PRUNE2: variants seen among roughly 807,000 people sequenced by gnomAD.
The protein encoded by PRUNE2 is prune homolog 2 with BCH domain.
PRUNE2 carries 164 observed loss-of-function variants against 252.0 expected under a neutral mutation model. The observed-to-expected ratio is 0.65, with a 90% CI of 0.57 to 0.74. The LOEUF (loss-of-function observed/expected upper bound fraction) is 0.74, where lower values mean the gene tolerates loss of function less well. Ranked by LOEUF, PRUNE2 falls within the 30% of genes least tolerant of loss-of-function variation. The pLI is 0.00. For missense variants in PRUNE2, 3,495 were observed against 3,711.0 expected, an observed-to-expected ratio of 0.94 and a Z score of 1.51; for synonymous variants, 1,292 against 1,350.2, an observed-to-expected ratio of 0.96 and a Z score of 0.94.
chr9:76,903,352 A>G (rs971691141), intron 1 of PRUNE2, among the ~76,000 whole-genome samples: 5 of 152,122 alleles, frequency 3.3e-5, no homozygotes, highest in Non-Finnish European at 7.3e-5. Flanking sequence ...CCCACAGAAT[A>G]ACAAAGCAAT....
chr9:76,752,856 G>C (rs1055567218), intron 6 of PRUNE2, among the ~76,000 whole-genome samples: 2 of 152,160 alleles, frequency 1.3e-5, no homozygotes, highest in African/African-American at 4.8e-5. Flanking sequence ...TTCTACCCTT[G>C]AATAACCCAA....
chr9:76,713,718 A>C lies in PRUNE2; in HGVS notation c.760T>G (p.Cys254Gly). ...ISTVSMNLENCLFHSNITSDL... is the reference protein window; with the variant it reads ...ISTVSMNLENGLFHSNITSDL... ...CTGGTAATATTGCTGTGAAATAGAC[A>C]ATTCTGAAACGACAACAGGAAATTT... is the stretch of plus-strand genomic sequence containing the variant. The change falls in exon 7 of 19, where the codon TGT (cysteine) becomes GGT (glycine). Residue 254 changes from cysteine to glycine, a missense_variant. Coordinates refer to ENST00000376718, the MANE Select transcript of PRUNE2 (RefSeq NM_015225.3). 1.9e-6 allele frequency: 3 copies of C among 1,588,416 alleles called. No homozygotes were observed. The highest frequency in any genetic ancestry group is 2.6e-6 in the Non-Finnish European group (3 of 1,167,020).
At chr9:76,888,851 TG>T (rs1357208455) in intron 1 of PRUNE2, among the ~76,000 whole-genome samples, 1 of 151,964 alleles carries the variant, frequency 6.6e-6, no homozygotes, top group Non-Finnish European at 1.5e-5. Context: ...TTGTTGTTGT[TG>T]TTGTTTTTGA....
At chr9:76,832,873 C>T (rs1436047368) in intron 4 of PRUNE2, among the ~76,000 whole-genome samples, 2 of 151,908 alleles carry the variant, frequency 1.3e-5, no homozygotes, top group Non-Finnish European at 1.5e-5. Context: ...CTAGATTCTA[C>T]GGACATTAAA....
chr9:76,678,584 CT>C lies in PRUNE2; in HGVS notation c.8277-23083del, dbSNP rs367626232. ...GCGGCACACGCCTATAATCCCAGCA[CT>C]TTAGGAGGCCGAGATGGGCGGATGA... is the stretch of plus-strand genomic sequence containing the variant. On this transcript the variant is annotated intron_variant, in intron 9 of 18. Coordinates refer to ENST00000376718, the MANE Select transcript of PRUNE2 (RefSeq NM_015225.3). 3.9e-3 allele frequency among the ~76,000 whole-genome samples: 596 copies of C among 152,278 alleles called. 5 individuals are homozygous for C. Among genetic ancestry groups the C allele is most frequent in the African/African-American group, 0.014 (574 of 41,562 alleles).
At chr9:76,696,269 C>T (rs1213074169) in intron 9 of PRUNE2, among the ~76,000 whole-genome samples, 2 of 152,158 alleles carry the variant, frequency 1.3e-5, no homozygotes, top group Non-Finnish European at 2.9e-5. Flanking sequence ...AAACAGTTAA[C>T]TAATCGTGCA....
At chr9:76,800,319 C>T (rs970327248) in intron 6 of PRUNE2, among the ~76,000 whole-genome samples, 1 of 151,862 alleles carries the variant, frequency 6.6e-6, no homozygotes, top group Non-Finnish European at 1.5e-5. Flanking sequence ...TTTGTCCTTG[C>T]GATACTTTGC....
At chr9:76,861,376 T>C (rs2060536156) in intron 1 of PRUNE2, among the ~76,000 whole-genome samples, 1 of 152,218 alleles carries the variant, frequency 6.6e-6, no homozygotes, top group Non-Finnish European at 1.5e-5. Flanking sequence ...CAGGTAATGA[T>C]GTAATTATGA....
At chr9:76,888,475 T>C (rs2133433494) in intron 1 of PRUNE2, among the ~76,000 whole-genome samples, 1 of 151,286 alleles carries the variant, frequency 6.6e-6, no homozygotes, top group African/African-American at 2.4e-5. Context: ...TACTCAGGAG[T>C]CTGAGGCAGG....
chr9:76,851,479 C>T (rs904952706), intron 2 of PRUNE2, among the ~76,000 whole-genome samples: 1 of 151,140 alleles, frequency 6.6e-6, no homozygotes, highest in Non-Finnish European at 1.5e-5. Context: ...ACCCGGGAGG[C>T]GGAGCTTGCA....
At position 76,848,717 on chromosome 9, in the gene PRUNE2, G is replaced by A. The variant is rs112409577; in HGVS notation, c.344+1746C>T. ...AGTAGCAGTGGAAAGCTTATCAAAA[G>A]GACATCTTCATAAAGTCTTTGATGG... On this transcript the variant is annotated intron_variant, in intron 3 of 18. Transcript: ENST00000376718. Among the ~76,000 whole-genome samples, 770 of 152,268 alleles carry A rather than the reference G, an allele frequency of 5.1e-3. 10 individuals carry two copies. The highest frequency in any genetic ancestry group is 0.017 in the African/African-American group (727 of 41,548).
chr9:76,860,143 G>C (rs1181016850), intron 1 of PRUNE2, among the ~76,000 whole-genome samples: 1 of 152,130 alleles, frequency 6.6e-6, no homozygotes, highest in African/African-American at 2.4e-5. Context: ...TCAGGACCAG[G>C]GGGTGTTTCT....
chr9:76,689,169 T>C (rs940657937), intron 9 of PRUNE2, among the ~76,000 whole-genome samples: 3 of 152,238 alleles, frequency 2.0e-5, no homozygotes, highest in South Asian at 2.1e-4. Flanking sequence ...TTGTATCATA[T>C]GCATTTCTTA....
intron 11 of PRUNE2, among the ~76,000 whole-genome samples, chr9:76,647,349 G>A (rs779412014): frequency 1.7e-4 from 26 of 152,150 alleles, no homozygotes; most frequent in Admixed American, 4.6e-4. Context: ...TAATGAATCT[G>A]GACCCAGGCC....
intron 9 of PRUNE2, among the ~76,000 whole-genome samples, chr9:76,670,309 G>T (rs1474033400): frequency 1.3e-5 from 2 of 151,934 alleles, no homozygotes; most frequent in South Asian, 4.2e-4. Flanking sequence ...CTGGAAAATC[G>T]GGTCACTCCC....
chr9:76,628,474 A>G (rs1010788904), intron 16 of PRUNE2, among the ~76,000 whole-genome samples: 6 of 152,238 alleles, frequency 3.9e-5, no homozygotes, highest in African/African-American at 1.2e-4. Context: ...TTTTCCTAGC[A>G]TCATGCAGAT....
chr9:76,650,726 G>A (rs937540062), intron 11 of PRUNE2, among the ~76,000 whole-genome samples: 4 of 152,116 alleles, frequency 2.6e-5, no homozygotes, highest in Non-Finnish European at 4.4e-5. Context: ...CATTAAACTG[G>A]TTCTTTCAAC....
intron 6 of PRUNE2, among the ~76,000 whole-genome samples, chr9:76,768,573 A>ATGTGTGTGTG (rs1281648480): frequency 8.4e-6 from 1 of 118,744 alleles, no homozygotes; most frequent in South Asian, 2.6e-4. Flanking sequence ...TGATATATAT[A>ATGTGTGTGTG]TGTATATGTA....
intron 6 of PRUNE2, among the ~76,000 whole-genome samples, chr9:76,774,354 T>C (rs2053453884): frequency 6.6e-6 from 1 of 151,970 alleles, no homozygotes; most frequent in African/African-American, 2.4e-5. Flanking sequence ...CCCAGGCTGG[T>C]CTTGAACTCC....
Sources: allele counts gnomAD v4.1 joint callset (sites outside exome capture counted in the v4.1 genomes callset), GRCh38; gene constraint gnomAD v4.1.1; transcripts MANE v1.5; gene names NCBI Gene and HGNC (gene_info 2026-07-23, HGNC 2026-07-21).